The following COTL1 variants were observed in gnomAD, a reference collection of about 807,000 sequenced individuals.
COTL1 encodes the protein coactosin like F-actin binding protein 1.
In COTL1, 15 loss-of-function variants were observed where a neutral mutation model predicts 16.5. That is an observed-to-expected ratio of 0.91 (90% CI 0.61 to 1.40). The LOEUF (loss-of-function observed/expected upper bound fraction) is 1.40. COTL1 is among the 40% of genes most tolerant of loss of function. COTL1 has a pLI of 0.00. For missense variants in COTL1, 220 were observed against 201.5 expected (o/e 1.09, Z -0.56); for synonymous variants, 112 against 85.3 (o/e 1.31, Z -1.73).
At chr16:84,607,859 A>G (rs1905245178) in intron 2 of COTL1, among the ~76,000 whole-genome samples, 1 of 152,154 alleles carries the variant, frequency 6.6e-6, no homozygotes, top group South Asian at 2.1e-4. Flanking sequence ...GTCCCGGAGA[A>G]GACAAGGTCA....
chr16:84,575,477 C>T (rs2914825), intron 3 of COTL1: 8,984 of 152,282 alleles, frequency 0.059, 383 homozygotes, highest in African/African-American at 0.11. Context: ...CCTGCCTCAG[C>T]CTCTGAAGTA....
In COTL1 at chr16:84,613,069, C is replaced by T. The variant is rs867082451; in HGVS notation, c.160+4432G>A. ...AGGCTAGAGTACAACAGCGCGATCT[C>T]GGCTCACTGCAACCTCTGCCTCCTG... On this transcript the variant is annotated intron_variant, in intron 2 of 3. Transcript: ENST00000262428. Among the ~76,000 whole-genome samples the T allele has an allele frequency of 7.9e-5, 12 of 150,954 alleles. No individual in the cohort carries two copies. In the South Asian group the frequency reaches 1.7e-3, roughly 21 times the overall value.
chr16:84,592,774 G>A (rs1904902216), intron 2 of COTL1, among the ~76,000 whole-genome samples: 1 of 152,130 alleles, frequency 6.6e-6, no homozygotes, highest in South Asian at 2.1e-4. Flanking sequence ...CTCAAAACCG[G>A]AGGGGGTAAC....
At chr16:84,603,945 AC>A (rs930339709) in intron 2 of COTL1, among the ~76,000 whole-genome samples, 3 of 99,522 alleles carry the variant, frequency 3.0e-5, no homozygotes, top group Non-Finnish European at 6.4e-5. Flanking sequence ...CCAGCTACCC[AC>A]CTCCCCCCAC....
intron 2 of COTL1, among the ~76,000 whole-genome samples, chr16:84,598,658 C>CCA (rs1905053335): frequency 2.0e-4 from 1 of 4,924 alleles, no homozygotes; most frequent in African/African-American, 3.3e-4. Context: ...TCCCCCCCAA[C>CCA]CCCCCCCACC....
chr16:84,598,758 AAGGAGACCAAGC>A (rs1189525820), intron 2 of COTL1, among the ~76,000 whole-genome samples: 12 of 139,692 alleles, frequency 8.6e-5, no homozygotes, highest in Non-Finnish European at 1.2e-4. Context: ...AGGACCACAC[AAGGAGACCAAGC>A]AGGAGACCAA....
chr16:84,567,348 A>G (rs971878449), intron 3 of COTL1: 1 of 177,470 alleles, frequency 5.6e-6, no homozygotes, highest in African/African-American at 2.4e-5. Flanking sequence ...GAGGTTGGAA[A>G]GGCTCACGGG....
In COTL1 at chr16:84,589,539, C is replaced by G. The variant is rs182942249; in HGVS notation, c.318+566G>C. On this transcript the variant is annotated intron_variant, in intron 3 of 3. Coordinates refer to ENST00000262428, the MANE Select transcript of COTL1 (RefSeq NM_021149.5). ...ATCCCTTTAGTAGGGAAAGACCTCT[C>G]TCCCTCATCTACCCTACCCCGGGGT... Among the ~76,000 whole-genome samples the G allele has an allele frequency of 4.0e-5, 6 of 151,750 alleles. 1 individual carries two copies. Among genetic ancestry groups the G allele is most frequent in the Admixed American group, 3.9e-4 (6 of 15,240 alleles).
At chr16:84,567,473 C>T (rs1434315080) in intron 3 of COTL1, 3 of 152,834 alleles carry the variant, frequency 2.0e-5, no homozygotes, top group Non-Finnish European at 2.9e-5. Flanking sequence ...AAAGTGATGT[C>T]ACCATACGTG....
intron 2 of COTL1, among the ~76,000 whole-genome samples, chr16:84,607,656 A>G (rs1426888668): frequency 6.6e-6 from 1 of 152,128 alleles, no homozygotes; most frequent in African/African-American, 2.4e-5. Context: ...CCTGTCATAA[A>G]GGGCACCCCA....
At chr16:84,586,953 G>A (rs1458203703) in intron 3 of COTL1, among the ~76,000 whole-genome samples, 2 of 152,168 alleles carry the variant, frequency 1.3e-5, no homozygotes, top group Admixed American at 6.5e-5. Flanking sequence ...GCAATGTGGT[G>A]CCCCGTGTAC....
intron 3 of COTL1, among the ~76,000 whole-genome samples, chr16:84,570,060 G>A (rs955018880): frequency 1.3e-5 from 2 of 152,148 alleles, no homozygotes; most frequent in African/African-American, 4.8e-5. Flanking sequence ...AGCAGATCAT[G>A]AGGTCAGGAG....
chr16:84,592,663 C>G (rs1198215040), intron 2 of COTL1, among the ~76,000 whole-genome samples: 1 of 152,062 alleles, frequency 6.6e-6, no homozygotes, highest in African/African-American at 2.4e-5. Flanking sequence ...TGCAGAGTCC[C>G]GCACGAAGCA....
intron 2 of COTL1, among the ~76,000 whole-genome samples, chr16:84,612,616 C>G (rs1905357686): frequency 6.6e-6 from 1 of 152,234 alleles, no homozygotes; most frequent in Admixed American, 6.5e-5. Flanking sequence ...AACCCCGTCT[C>G]TACTAAAAAT....
rs200648384 is a variant in COTL1 at position 84,590,216 on chromosome 16, G to C, written c.207C>G (p.Ala69=). ...GGGCAAACTTGGACCTCTTGCTCAT[G>C]GCATCCCCGGTGGTGAAGCGCACGA... ...FAFVRFTTGD[A]MSKRSKFALI... Residue 69 remains alanine, a synonymous_variant, in exon 3 of 4, where the codon GCC becomes GCG. Coordinates refer to ENST00000262428, the MANE Select transcript of COTL1 (RefSeq NM_021149.5). The surrounding 1 kb of genome is among the most constrained non-coding windows in gnomAD (Gnocchi z 5.5). The C allele has an allele frequency of 6.2e-7, 1 of 1,614,160 alleles. No individual in the cohort carries two copies. Among genetic ancestry groups the C allele is most frequent in the Non-Finnish European group, 8.5e-7 (1 of 1,180,012 alleles).
chr16:84,592,729 G>C (rs893617108), intron 2 of COTL1, among the ~76,000 whole-genome samples: 1 of 152,122 alleles, frequency 6.6e-6, no homozygotes, highest in African/African-American at 2.4e-5. Context: ...GGAGATACTG[G>C]CCTGCAGCTG....
Position 84,590,805 on chromosome 16 carries a change from T to C in COTL1, c.161-543A>G, listed in dbSNP as rs143683340. Among the ~76,000 whole-genome samples, 169 of 152,232 alleles carry C rather than the reference T, an allele frequency of 1.1e-3. 1 individual carries two copies. Among genetic ancestry groups the C allele is most frequent in the African/African-American group, 3.9e-3 (164 of 41,534 alleles). On this transcript the variant is annotated intron_variant, in intron 2 of 3. Transcript: ENST00000262428. The surrounding 1 kb of genome is among the most constrained non-coding windows in gnomAD (Gnocchi z 5.5). ...CTCTTTTTGCCTCAATCTTTGCAGT[T>C]TGGAATGAGACTCTACACTGTAGAG...
chr16:84,612,511 G>A (rs541727990), intron 2 of COTL1, among the ~76,000 whole-genome samples: 20 of 152,264 alleles, frequency 1.3e-4, no homozygotes, highest in African/African-American at 4.6e-4. Flanking sequence ...GGCCGGGCGC[G>A]GTGGCTCACG....
chr16:84,573,079 A>T (rs548630259), intron 3 of COTL1, among the ~76,000 whole-genome samples: 1 of 152,358 alleles, frequency 6.6e-6, no homozygotes, highest in African/African-American at 2.4e-5. Flanking sequence ...GCTACTAGCC[A>T]CATTGAAAAA....
Sources: allele counts gnomAD v4.1 joint callset (sites outside exome capture counted in the v4.1 genomes callset), GRCh38; gene constraint gnomAD v4.1.1; non-coding constraint Gnocchi (gnomAD v3.1); transcripts MANE v1.5; gene names NCBI Gene and HGNC (gene_info 2026-07-23, HGNC 2026-07-21).